HECTD4: variants seen among roughly 807,000 people sequenced by gnomAD.
The protein encoded by HECTD4 is HECT domain E3 ubiquitin protein ligase 4.
A neutral mutation model predicts 471.5 loss-of-function variants in HECTD4; 114 were observed. The ratio of observed to expected loss-of-function variants is 0.24; its 90% CI spans 0.21 to 0.28. HECTD4 has a LOEUF of 0.28. Ranked by LOEUF, HECTD4 falls within the 10% of genes least tolerant of loss-of-function variation. HECTD4 has a pLI of 1.00. For synonymous variants in HECTD4, 2,012 were observed against 2,256.0 expected (o/e 0.89, Z 3.07); for missense variants, 3,866 against 5,651.5 (o/e 0.68, Z 10.13).
chr12:112,352,335 C>CTTTTTT (rs1183472420), intron 1 of HECTD4, among the ~76,000 whole-genome samples: 1 of 136,694 alleles, frequency 7.3e-6, no homozygotes, highest in East Asian at 2.2e-4. Flanking sequence ...GATGGAGCAT[C>CTTTTTT]TTTTTTTTTT....
At chr12:112,295,783 G>A (rs1359871232) in intron 7 of HECTD4, among the ~76,000 whole-genome samples, 2 of 149,486 alleles carry the variant, frequency 1.3e-5, no homozygotes, top group Non-Finnish European at 3.0e-5. Flanking sequence ...CTGGGACTAC[G>A]GACATGCACC....
chr12:112,281,273 TAA>T (rs1555255102), intron 8 of HECTD4, among the ~76,000 whole-genome samples: 1 of 147,292 alleles, frequency 6.8e-6, no homozygotes, highest in East Asian at 2.0e-4. Flanking sequence ...ATGTTTTTTT[TAA>T]AAAAAAAAAG....
intron 1 of HECTD4, among the ~76,000 whole-genome samples, chr12:112,376,348 G>A (rs753135836): frequency 1.6e-4 from 25 of 151,976 alleles, no homozygotes; most frequent in Non-Finnish European, 2.9e-4. Context: ...CTGGGTTCAC[G>A]CCATTCTCCT....
chr12:112,212,396 A>C, intron 49 of HECTD4, 91 bp downstream of exon 49: 2 of 1,001,500 alleles, frequency 2.0e-6, no homozygotes, highest in Non-Finnish European at 1.5e-6. Flanking sequence ...ATGTACAATG[A>C]GGGCCCGTTT....
chr12:112,367,680 G>A (rs1429866116), intron 1 of HECTD4, among the ~76,000 whole-genome samples: 1 of 151,772 alleles, frequency 6.6e-6, no homozygotes, highest in African/African-American at 2.4e-5. Flanking sequence ...ATTTAGCTGG[G>A]TGTGGTGGCA....
chr12:112,263,707 T>TATATATATATATA (rs1566091576), intron 17 of HECTD4, among the ~76,000 whole-genome samples: 208 of 137,578 alleles, frequency 1.5e-3, no homozygotes, highest in African/African-American at 5.3e-3. Context: ...CCCAAGATTT[T>TATATATATATATA]TATATATATA....
chr12:112,178,599 G>A (rs1054556551), intron 64 of HECTD4, among the ~76,000 whole-genome samples: 3 of 152,198 alleles, frequency 2.0e-5, no homozygotes, highest in African/African-American at 7.2e-5. Flanking sequence ...GGAGGCCAGT[G>A]CAGGCTGATC....
At chr12:112,370,246 C>T (rs543780258) in intron 1 of HECTD4, among the ~76,000 whole-genome samples, 33 of 152,236 alleles carry the variant, frequency 2.2e-4, no homozygotes, top group African/African-American at 7.7e-4. Context: ...AACAGATTCT[C>T]CCCTAGAGCC....
chr12:112,362,534 G>GA (rs1342609451), intron 1 of HECTD4, among the ~76,000 whole-genome samples: 1 of 152,110 alleles, frequency 6.6e-6, no homozygotes, highest in Admixed American at 6.6e-5. Flanking sequence ...GACCAGGTCA[G>GA]AGAGGAATCT....
Position 112,243,494 on chromosome 12 carries a change from G to A in HECTD4, c.4817C>T (p.Ala1606Val), listed in dbSNP as rs1468434895. The A allele has an allele frequency of 1.2e-6, 2 of 1,605,934 alleles. No homozygotes were observed. The highest frequency in any genetic ancestry group is 2.2e-5 in the East Asian group (1 of 44,540). ...QAVSSSSFLLAAQTRWRRGNT... is the reference protein window; with the variant it reads ...QAVSSSSFLLVAQTRWRRGNT... ...TCCCCGCCGCCACCTTGTCTGTGCA[G>A]CCAAAAGGAAACTGCTGCTGGACAC... Residue 1606 changes from alanine to valine, a missense_variant, in exon 32 of 76, where the codon GCT (alanine) becomes GTT (valine). Ala to Val is a moderately conservative substitution (Grantham distance 64). Coordinates refer to ENST00000682272, the MANE Select transcript of HECTD4 (RefSeq NM_001388303.1). The surrounding 1 kb of genome is among the most constrained non-coding windows in gnomAD (Gnocchi z 6.6).
In HECTD4 at chr12:112,308,862, A is replaced by G. The variant is rs1221963992; in HGVS notation, c.1055T>C (p.Leu352Ser). ...GCCAAAAGCCACCCATCCTGGTTCC[A>G]ACTCCTCGTTCCGGCAGTACACAAA... ...RGFVYCRNEE[L>S]EPGWVAFGSG... Residue 352 changes from leucine to serine, a missense_variant, in exon 6 of 76, where the codon TTG (leucine) becomes TCG (serine). Leu to Ser is a moderately radical substitution (Grantham distance 145). Coordinates refer to ENST00000682272, the MANE Select transcript of HECTD4 (RefSeq NM_001388303.1). 6.5e-7 allele frequency: 1 copy of G among 1,536,090 alleles called. No individual in the cohort carries two copies. The highest frequency in any genetic ancestry group is 8.7e-7 in the Non-Finnish European group (1 of 1,146,872).
At chr12:112,183,031 A>G (rs1421612399) in intron 62 of HECTD4, 28 bp downstream of exon 62, 1 of 1,552,638 alleles carries the variant, frequency 6.4e-7, no homozygotes, top group Non-Finnish European at 8.8e-7. Flanking sequence ...CAAAAAGTCT[A>G]CAGATTAAAA....
chr12:112,319,456 T>C lies in HECTD4; in HGVS notation c.464A>G (p.Gln155Arg). ...MGLLLVFPLIQSQSRTDPSLC... is the reference protein window; with the variant it reads ...MGLLLVFPLIRSQSRTDPSLC... The stretch of plus-strand genomic sequence containing the variant: ...AGAGGGGTCTGTTCTACTCTGGGAC[T>C]GAATAAGGGGGAAGACCAGCAGGAG... Residue 155 changes from glutamine (Q) to arginine (R), a missense_variant, in exon 2 of 76, where the codon CAG (glutamine) becomes CGG (arginine). Gln to Arg is a conservative substitution (Grantham distance 43). Coordinates refer to ENST00000682272, the MANE Select transcript of HECTD4 (RefSeq NM_001388303.1). The surrounding 1 kb of genome is among the most constrained non-coding windows in gnomAD (Gnocchi z 5.3). The C allele has an allele frequency of 1.3e-6, 2 of 1,529,002 alleles. No individual in the cohort carries two copies. The highest frequency in any genetic ancestry group is 1.2e-5 in the South Asian group (1 of 83,406). The allele number at this position is 1,529,002 out of a possible 1,614,324, so 94.7% of individuals were successfully genotyped here.
intron 44 of HECTD4, 104 bp from the exon 45 acceptor site, chr12:112,219,593 G>T: frequency 2.8e-6 from 2 of 710,638 alleles, no homozygotes; most frequent in South Asian, 2.2e-5. Flanking sequence ...CACTTATAGA[G>T]CTCATTGAAT....
intron 22 of HECTD4, 73 bp from the exon 23 acceptor site, chr12:112,252,601 CAG>C: frequency 6.5e-7 from 1 of 1,528,462 alleles, no homozygotes; most frequent in Non-Finnish European, 8.8e-7. Context: ...CAATGAATTT[CAG>C]AGGTTTACTT....
chr12:112,182,957 G>T, intron 62 of HECTD4, 102 bp downstream of exon 62: 1 of 780,810 alleles, frequency 1.3e-6, no homozygotes, highest in East Asian at 2.5e-5. Flanking sequence ...TTAAAAATAG[G>T]GGATACTGGG....
chr12:112,262,544 A>AAAAAAAAAAAAAAAT (rs2034172881), intron 17 of HECTD4, among the ~76,000 whole-genome samples: 1 of 147,664 alleles, frequency 6.8e-6, no homozygotes, highest in African/African-American at 2.5e-5. Context: ...AAAAAAAAAG[A>AAAAAAAAAAAAAAAT]ATCTACTAAG....
chr12:112,184,475 C>T lies in HECTD4; in HGVS notation c.10491G>A (p.Ser3497=), dbSNP rs373701976. ...CGCTGACGGTTTGGGAGATGCCCTG[C>T]GAGCTGCAGATGGAGGCCTGGCTGG... ...ASTSQASICS[S]QGISQTVSDL... is the part of the protein sequence containing the mutation. Residue 3497 remains serine (S), a synonymous_variant, in exon 61 of 76, where the codon TCG becomes TCA. Coordinates refer to ENST00000682272, the MANE Select transcript of HECTD4 (RefSeq NM_001388303.1). The surrounding 1 kb of genome is among the most constrained non-coding windows in gnomAD (Gnocchi z 9.1). The T allele has an allele frequency of 1.6e-5, 25 of 1,605,920 alleles. No homozygotes were observed. In the African/African-American group the frequency reaches 1.9e-4, roughly 12 times the overall value.
chr12:112,301,037 A>C (rs2035153242), intron 7 of HECTD4, among the ~76,000 whole-genome samples: 1 of 150,654 alleles, frequency 6.6e-6, no homozygotes. Context: ...GGTGCCTGCC[A>C]CCATGCCCGG....
Sources: allele counts gnomAD v4.1 joint callset (sites outside exome capture counted in the v4.1 genomes callset), GRCh38; gene constraint gnomAD v4.1.1; non-coding constraint Gnocchi (gnomAD v3.1); transcripts MANE v1.5; gene names NCBI Gene and HGNC (gene_info 2026-07-23, HGNC 2026-07-21).